ANKRD22: variants seen among roughly 807,000 people sequenced by gnomAD.
ANKRD22 encodes the protein ankyrin repeat domain-containing protein 22.
ANKRD22 carries 24 observed loss-of-function variants against 25.7 expected under a neutral mutation model. The observed-to-expected ratio is 0.93, with a 90% CI of 0.68 to 1.31. ANKRD22 has a LOEUF of 1.31. ANKRD22 is among the 50% of genes most tolerant of loss of function. The pLI is 0.00. For synonymous variants in ANKRD22, 84 were observed against 84.3 expected (o/e 1.00, Z 0.02); for missense variants, 214 against 227.1 (o/e 0.94, Z 0.37).
intron 2 of ANKRD22, among the ~76,000 whole-genome samples, chr10:88,830,814 C>A (rs971562318): frequency 4.6e-5 from 7 of 152,220 alleles, no homozygotes; most frequent in Non-Finnish European, 1.0e-4. Context: ...AACCCACAGA[C>A]ATCTGTCTTC....
At chr10:88,843,174 A>G (rs1171770016) in intron 1 of ANKRD22, among the ~76,000 whole-genome samples, 7 of 152,088 alleles carry the variant, frequency 4.6e-5, no homozygotes, top group Non-Finnish European at 2.9e-5. Context: ...CTTGCCTGCC[A>G]TCTACTTCAC....
Position 88,822,851 on chromosome 10 carries a change from G to T in ANKRD22, c.*90C>A. ...TATCCCCATAAAATGGTGGCATCCA[G>T]GTTAAATGGCCCACAGACCAAAAGT... On this transcript the variant is annotated 3_prime_UTR_variant, in exon 6 of 6. Transcript: ENST00000371930. The T allele has an allele frequency of 8.4e-7, 1 of 1,186,814 alleles. No individual in the cohort carries two copies. 73.5% of individuals were successfully genotyped at this position (1,186,814 alleles called of 1,614,324 possible).
chr10:88,828,692 A>C, intron 2 of ANKRD22, 26 bp from the exon 3 acceptor site: 1 of 1,496,278 alleles, frequency 6.7e-7, no homozygotes, highest in Non-Finnish European at 9.2e-7. Context: ...AGGATTCTTT[A>C]CTAATAAAGC....
chr10:88,849,663 C>T lies in ANKRD22; in HGVS notation c.21+1924G>A, dbSNP rs966322995. ...AATGAGTTAATACATATATAAAGTG[C>T]TTAAAATAGGGCCTAATCTATAAGA... On this transcript the variant is annotated intron_variant, in intron 1 of 5. Coordinates refer to ENST00000371930, the MANE Select transcript of ANKRD22 (RefSeq NM_144590.3). Among the ~76,000 whole-genome samples the T allele has an allele frequency of 3.9e-5, 6 of 152,076 alleles. No individual in the cohort carries two copies. In the South Asian group the frequency reaches 8.3e-4, roughly 21 times the overall value.
chr10:88,828,451 C>CT (rs1564603018), intron 3 of ANKRD22, 108 bp downstream of exon 3: 5 of 843,870 alleles, frequency 5.9e-6, no homozygotes, highest in East Asian at 2.5e-5. Context: ...AAACCAAAGG[C>CT]TTTTTTTGTT....
rs1430000292 is a variant in ANKRD22, at chr10:88,821,377, A to G, written c.*1564T>C. On this transcript the variant is annotated 3_prime_UTR_variant, in exon 6 of 6. Transcript: ENST00000371930. ...GACAAACCATGATTTATTTCTTCAG[A>G]AAATTATTCCACTTTTACACAATTT... 6.6e-6 allele frequency among the ~76,000 whole-genome samples: 1 copy of G among 152,252 alleles called. No individual in the cohort carries two copies. Among genetic ancestry groups the G allele is most frequent in the Non-Finnish European group, 1.5e-5 (1 of 68,044 alleles).
In ANKRD22 at chr10:88,820,336, C is replaced by G. The variant is rs1407057563; in HGVS notation, c.*2605G>C. ...ATCCAGAAGACGTGAAAATGCTGCT[C>G]TCTGAGGTGACCAACCTCATCTACC... On this transcript the variant is annotated 3_prime_UTR_variant, in exon 6 of 6. Coordinates refer to ENST00000371930, the MANE Select transcript of ANKRD22 (RefSeq NM_144590.3). 2 of 1,552,296 alleles carry G rather than the reference C, an allele frequency of 1.3e-6. No homozygotes were observed. Among genetic ancestry groups the G allele is most frequent in the African/African-American group, 1.4e-5 (1 of 73,164 alleles).
Position 88,820,563 on chromosome 10 carries a change from G to A in ANKRD22, c.*2378C>T. ...AGGGATGGGGCTAGGACCCATGAAG[G>A]CAGAATTACGGAGAGCAGAGACCTA... On this transcript the variant is annotated 3_prime_UTR_variant, in exon 6 of 6. Transcript: ENST00000371930. 6.8e-7 allele frequency: 1 copy of A among 1,468,324 alleles called. No individual in the cohort carries two copies. Among genetic ancestry groups the A allele is most frequent in the Non-Finnish European group, 9.1e-7 (1 of 1,099,370 alleles). 91.0% of individuals were successfully genotyped at this position (1,468,324 alleles called of 1,614,324 possible). A position where few individuals can be genotyped will look rare whatever the true frequency, so the allele number is the denominator to read the frequency against.
In ANKRD22 at chr10:88,823,028, G is replaced by GA; in HGVS notation, c.499-11dup. ...GTGAGCTCTCACCATGCTGAGGGGG[G>GA]AAAAATATACAGTTATTTCCAATAG... is the stretch of plus-strand genomic sequence containing the variant. On this transcript the variant is annotated splice_polypyrimidine_tract_variant and intron_variant, in intron 5 of 5. Transcript: ENST00000371930. 1 of 1,610,128 alleles carries GA rather than the reference G, an allele frequency of 6.2e-7. No homozygotes were observed. Among genetic ancestry groups the GA allele is most frequent in the Non-Finnish European group, 8.5e-7 (1 of 1,176,718 alleles).
intron 1 of ANKRD22, among the ~76,000 whole-genome samples, chr10:88,838,693 G>A (rs928459079): frequency 1.3e-5 from 2 of 152,206 alleles, no homozygotes; most frequent in Admixed American, 6.5e-5. Flanking sequence ...GTGGAAGTGG[G>A]CCCTGGAATA....
intron 1 of ANKRD22, among the ~76,000 whole-genome samples, chr10:88,834,227 C>A (rs1328054294): frequency 6.6e-6 from 1 of 152,250 alleles, no homozygotes; most frequent in East Asian, 1.9e-4. Context: ...GTTAAGTCAC[C>A]AACTCTTAAT....
chr10:88,837,154 T>C (rs1190705292), intron 1 of ANKRD22, among the ~76,000 whole-genome samples: 1 of 152,192 alleles, frequency 6.6e-6, no homozygotes, highest in Non-Finnish European at 1.5e-5. Context: ...AAACAAACTC[T>C]CTGGGTTCCA....
At chr10:88,849,029 G>GTGT (rs1564608765) in intron 1 of ANKRD22, among the ~76,000 whole-genome samples, 15 of 113,952 alleles carry the variant, frequency 1.3e-4, no homozygotes, top group African/African-American at 4.6e-4. Flanking sequence ...TGTGTGTGTG[G>GTGT]GTGTGTGTGC....
In ANKRD22 at chr10:88,822,995, A is replaced by G. The variant is rs759080515; in HGVS notation, c.522T>C (p.Ile174=). 6.2e-7 allele frequency: 1 copy of G among 1,613,712 alleles called. No individual in the cohort carries two copies. Among genetic ancestry groups the G allele is most frequent in the Non-Finnish European group, 8.5e-7 (1 of 1,179,640 alleles). ...TCTGGGAAAATTTTAATCTCCGTGCAATATCCAGTGAGCTCTCACCATGCT... is the reference window on the plus strand; with the variant it reads ...TCTGGGAAAATTTTAATCTCCGTGCGATATCCAGTGAGCTCTCACCATGCT... ...KNKHGESSLD[I]ARRLKFSQIE... is the part of the protein sequence containing the mutation. The change falls in exon 6 of 6, where the codon ATT becomes ATC. Residue 174 remains isoleucine, a synonymous_variant. Coordinates refer to ENST00000371930, the MANE Select transcript of ANKRD22 (RefSeq NM_144590.3).
rs1010838014 is a variant in ANKRD22 at position 88,820,531 on chromosome 10, C to A, written c.*2410G>T. 3.3e-6 allele frequency: 5 copies of A among 1,537,896 alleles called. No individual in the cohort carries two copies. The highest frequency in any genetic ancestry group is 4.4e-6 in the Non-Finnish European group (5 of 1,141,800). ...TCTGACACTGACGATCTTAGGACAA[C>A]CTCCTGAGGGATGGGGCTAGGACCC... On this transcript the variant is annotated 3_prime_UTR_variant, in exon 6 of 6. Transcript: ENST00000371930.
intron 1 of ANKRD22, among the ~76,000 whole-genome samples, chr10:88,835,078 T>C (rs1843941348): frequency 6.6e-6 from 1 of 152,194 alleles, no homozygotes; most frequent in Admixed American, 6.5e-5. Flanking sequence ...ACACTGGTTC[T>C]CTTCACTCAT....
intron 1 of ANKRD22, among the ~76,000 whole-genome samples, chr10:88,835,404 T>C (rs903522100): frequency 2.0e-5 from 3 of 152,168 alleles, no homozygotes; most frequent in Non-Finnish European, 4.4e-5. Context: ...TTCTGAGAAA[T>C]GTGTTGTTAG....
At chr10:88,827,757 C>T (rs946897568) in intron 3 of ANKRD22, among the ~76,000 whole-genome samples, 1 of 152,150 alleles carries the variant, frequency 6.6e-6, no homozygotes, top group Admixed American at 6.5e-5. Flanking sequence ...TGTTCTGCGG[C>T]TGATGTTAAC....
At chr10:88,848,773 C>T (rs1265610202) in intron 1 of ANKRD22, among the ~76,000 whole-genome samples, 1 of 152,148 alleles carries the variant, frequency 6.6e-6, no homozygotes, top group Non-Finnish European at 1.5e-5. Flanking sequence ...GTCCAATGGC[C>T]ATTCAATTAG....
Sources: allele counts gnomAD v4.1 joint callset (sites outside exome capture counted in the v4.1 genomes callset), GRCh38; gene constraint gnomAD v4.1.1; transcripts MANE v1.5; gene names NCBI Gene and HGNC (gene_info 2026-07-23, HGNC 2026-07-21).